Variants in MAD1L1 observed in about 807,000 individuals in gnomAD.
The protein encoded by MAD1L1 is mitotic spindle assembly checkpoint protein MAD1.
MAD1L1 carries 95 observed loss-of-function variants against 96.9 expected under a neutral mutation model. The ratio of observed to expected loss-of-function variants is 0.98; its 90% CI spans 0.83 to 1.16. MAD1L1 has a LOEUF of 1.16. Among genes scored for constraint, MAD1L1 ranks in the 50% most tolerant of loss-of-function variants. The pLI is 0.00. For synonymous variants in MAD1L1, 473 were observed against 396.6 expected (o/e 1.19, Z -2.29); for missense variants, 1,007 against 954.4 (o/e 1.06, Z -0.73).
At chr7:2,221,075 G>A in intron 5 of MAD1L1, 1 of 1,584,720 alleles carries the variant, frequency 6.3e-7, no homozygotes, top group Non-Finnish European at 8.6e-7. Flanking sequence ...GCTTCCCTGA[G>A]GAGCGGCCAC....
chr7:1,939,921 G>A (rs546421713), intron 16 of MAD1L1, among the ~76,000 whole-genome samples: 1 of 152,352 alleles, frequency 6.6e-6, no homozygotes, highest in Non-Finnish European at 1.5e-5. Flanking sequence ...CCCAGAATGT[G>A]CCTCCAACAG....
At chr7:1,835,960 G>A (rs540201062) in intron 18 of MAD1L1, among the ~76,000 whole-genome samples, 58 of 152,296 alleles carry the variant, frequency 3.8e-4, no homozygotes, top group Non-Finnish European at 5.6e-4. Flanking sequence ...TGGGAGTGTC[G>A]TGTCATATGC....
At chr7:1,989,260 A>G (rs1781298281) in intron 14 of MAD1L1, among the ~76,000 whole-genome samples, 1 of 152,192 alleles carries the variant, frequency 6.6e-6, no homozygotes, top group African/African-American at 2.4e-5. Context: ...GGCTCTAACG[A>G]AACGTGGAAA....
At chr7:2,013,336 A>G (rs1268527532) in intron 13 of MAD1L1, among the ~76,000 whole-genome samples, 1 of 152,212 alleles carries the variant, frequency 6.6e-6, no homozygotes, top group African/African-American at 2.4e-5. Context: ...CGCAGTCTCC[A>G]CCATCAAGGC....
chr7:1,866,615 G>A (rs1056804777), intron 18 of MAD1L1, among the ~76,000 whole-genome samples: 6 of 152,214 alleles, frequency 3.9e-5, no homozygotes, highest in South Asian at 2.1e-4. Context: ...GGGAGGCTGC[G>A]GACAGGCAGG....
intron 12 of MAD1L1, among the ~76,000 whole-genome samples, chr7:2,059,703 G>A (rs1342050290): frequency 1.3e-5 from 2 of 151,784 alleles, no homozygotes; most frequent in Non-Finnish European, 2.9e-5. Flanking sequence ...CGTAGCCAGG[G>A]GAGAAGAGAG....
intron 13 of MAD1L1, among the ~76,000 whole-genome samples, chr7:2,002,409 T>A (rs1223288795): frequency 2.0e-5 from 3 of 152,114 alleles, no homozygotes; most frequent in African/African-American, 7.2e-5. Flanking sequence ...GGAAACTGAC[T>A]GTGAATGGGG....
At chr7:1,859,016 C>T (rs1195999000) in intron 18 of MAD1L1, among the ~76,000 whole-genome samples, 6 of 152,156 alleles carry the variant, frequency 3.9e-5, no homozygotes, top group African/African-American at 1.4e-4. Context: ...ACTCGGCCTG[C>T]ATGGGAGAGG....
At chr7:2,135,301 GA>G (rs1665051414) in intron 11 of MAD1L1, among the ~76,000 whole-genome samples, 1 of 152,190 alleles carries the variant, frequency 6.6e-6, no homozygotes, top group Non-Finnish European at 1.5e-5. Flanking sequence ...GATGGACGCA[GA>G]CACGAGATGC....
chr7:2,149,259 A>G lies in MAD1L1; in HGVS notation c.987-21T>C, dbSNP rs778223552. 1.3e-5 allele frequency: 20 copies of G among 1,592,988 alleles called. No homozygotes were observed. The Admixed American group carries it at 3.3e-4, about 27-fold the overall frequency. ...GAGTCCTGCAGGATAAACAAGGCAC[A>G]CTCAGTTCCAGCTGTCCCCGAGAAG... On this transcript the variant is annotated intron_variant, in intron 10 of 18. Coordinates refer to ENST00000265854, the MANE Select transcript of MAD1L1 (RefSeq NM_001013836.2).
At chr7:2,010,666 T>C (rs1327543777) in intron 13 of MAD1L1, among the ~76,000 whole-genome samples, 1 of 152,204 alleles carries the variant, frequency 6.6e-6, no homozygotes, top group Non-Finnish European at 1.5e-5. Flanking sequence ...AATGAAAACA[T>C]GGTCCAGATG....
intron 18 of MAD1L1, among the ~76,000 whole-genome samples, chr7:1,866,207 C>T (rs1204334897): frequency 6.6e-6 from 1 of 152,166 alleles, no homozygotes; most frequent in Non-Finnish European, 1.5e-5. Context: ...TATAGGGCCT[C>T]AGTACATGCT....
intron 11 of MAD1L1, among the ~76,000 whole-genome samples, chr7:2,091,189 C>T (rs912745816): frequency 3.3e-5 from 5 of 152,196 alleles, no homozygotes; most frequent in African/African-American, 1.2e-4. Context: ...ACACTCCAGG[C>T]TCCTCCTGTG....
intron 12 of MAD1L1, among the ~76,000 whole-genome samples, chr7:2,019,485 A>C (rs1782685493): frequency 6.6e-6 from 1 of 152,262 alleles, no homozygotes; most frequent in Non-Finnish European, 1.5e-5. Context: ...AACGTCTCTG[A>C]ACCCACCCTC....
At chr7:1,909,941 G>A (rs922999744) in intron 17 of MAD1L1, among the ~76,000 whole-genome samples, 2 of 152,138 alleles carry the variant, frequency 1.3e-5, no homozygotes, top group East Asian at 1.9e-4. Flanking sequence ...CCTGGCAGGC[G>A]CTGGCTGGGT....
chr7:2,203,799 G>A (rs931194221), intron 10 of MAD1L1, among the ~76,000 whole-genome samples: 1 of 152,200 alleles, frequency 6.6e-6, no homozygotes, highest in Non-Finnish European at 1.5e-5. Flanking sequence ...CGACACACAG[G>A]AAACTCATCA....
At chr7:1,946,748 C>T (rs1280657533) in intron 16 of MAD1L1, among the ~76,000 whole-genome samples, 1 of 152,250 alleles carries the variant, frequency 6.6e-6, no homozygotes, top group African/African-American at 2.4e-5. Context: ...CAGGCTGGGC[C>T]TAGGGTTCTG....
chr7:1,923,589 C>T (rs576822734), intron 17 of MAD1L1, among the ~76,000 whole-genome samples: 81 of 152,378 alleles, frequency 5.3e-4, no homozygotes, highest in Middle Eastern at 3.4e-3. Context: ...CCCCTCCCTC[C>T]AGACAGGGTG....
At chr7:1,829,849 G>C (rs530741254) in intron 18 of MAD1L1, among the ~76,000 whole-genome samples, 1 of 152,086 alleles carries the variant, frequency 6.6e-6, no homozygotes, top group Admixed American at 6.6e-5. Flanking sequence ...ACAACTGACC[G>C]ACAGAGGAAC....
Sources: gnomAD v4.1 joint callset for allele counts (sites outside exome capture counted in the v4.1 genomes callset) on GRCh38, gnomAD v4.1.1 for gene constraint, MANE v1.5 for transcripts, NCBI Gene and HGNC (gene_info 2026-07-23, HGNC 2026-07-21) for gene names.